The following SH2D3A variants were observed in gnomAD, a reference collection of about 807,000 sequenced individuals.
The protein encoded by SH2D3A is SH2 domain containing 3A.
Under a neutral mutation model 50.6 loss-of-function variants are expected in SH2D3A, and 46 were observed. The ratio of observed to expected loss-of-function variants is 0.91; its 90% CI spans 0.72 to 1.16. SH2D3A has a LOEUF of 1.16. SH2D3A is among the 50% of genes most tolerant of loss of function. The pLI is 0.00. For synonymous variants in SH2D3A, 377 were observed against 348.4 expected, an observed-to-expected ratio of 1.08 and a Z score of -0.91; for missense variants, 783 against 786.2, an observed-to-expected ratio of 1.00 and a Z score of 0.05.
intron 1 of SH2D3A, 57 bp from the exon 2 acceptor site, chr19:6,763,873 T>G (rs1194110652): frequency 2.2e-6 from 1 of 445,188 alleles, no homozygotes; most frequent in Non-Finnish European, 4.0e-6. Context: ...CCTTTCATCC[T>G]CTTCTTAATT....
intron 6 of SH2D3A, 35 bp downstream of exon 6, chr19:6,754,581 C>A: frequency 6.2e-7 from 1 of 1,610,706 alleles, no homozygotes; most frequent in Non-Finnish European, 8.5e-7. Context: ...GGGGAATTGG[C>A]CTCCCCCAAC....
intron 2 of SH2D3A, 38 bp from the exon 3 acceptor site, chr19:6,761,025 G>C (rs781176336): frequency 6.6e-7 from 1 of 1,525,674 alleles, no homozygotes; most frequent in Non-Finnish European, 8.9e-7. Context: ...AATTAGGAAT[G>C]AGTCCAGGGC....
rs1237132950 is a variant in SH2D3A, at chr19:6,754,130, G to T, written c.1306C>A (p.Arg436=). Residue 436 remains arginine, a synonymous_variant, in exon 8 of 10, where the codon CGA becomes AGA. Coordinates refer to ENST00000245908, the MANE Select transcript of SH2D3A (RefSeq NM_005490.3). The part of the protein sequence containing the change: ...SRLEHTWRQL[R]RSHTEAALAF... ...AGCGCAGCCTCCGTGTGGCTCCTTC[G>T]GAGCTGGCGCCACGTGTGCTCCAAC... 3 of 1,613,378 alleles carry T rather than the reference G, an allele frequency of 1.9e-6. No individual in the cohort carries two copies. Among genetic ancestry groups the T allele is most frequent in the Non-Finnish European group, 2.5e-6 (3 of 1,179,752 alleles).
At chr19:6,753,926 G>T in intron 8 of SH2D3A, 126 bp downstream of exon 8, 2 of 1,209,262 alleles carry the variant, frequency 1.7e-6, no homozygotes, top group Non-Finnish European at 2.2e-6. Context: ...CTCATGTGGA[G>T]GGCGGGGCCT....
At chr19:6,756,336 A>G (rs1258811876) in intron 4 of SH2D3A, among the ~76,000 whole-genome samples, 1 of 151,302 alleles carries the variant, frequency 6.6e-6, no homozygotes, top group South Asian at 2.1e-4. Flanking sequence ...ATTAATATAG[A>G]TATCTATAGA....
rs376341244 is a variant in SH2D3A, at chr19:6,753,398, C to A, written c.1570+58G>T. ...TGGGACAGGCTGGGTTTGGGGGATC[C>A]GGTTAGAACCTGCAGGGTGCTCTGA... is the stretch of plus-strand genomic sequence containing the variant. On this transcript the variant is annotated intron_variant, in intron 9 of 9. Coordinates refer to ENST00000245908, the MANE Select transcript of SH2D3A (RefSeq NM_005490.3). 873 of 1,410,614 alleles carry A rather than the reference C, an allele frequency of 6.2e-4. 17 individuals are homozygous for A. The South Asian group carries it at 0.013, about 20-fold the overall frequency. 87.4% of individuals were successfully genotyped at this position (1,410,614 alleles called of 1,614,324 possible). A position where few individuals can be genotyped will look rare whatever the true frequency, so the allele number is the denominator to read the frequency against.
chr19:6,761,145 C>T (rs1037058578), intron 2 of SH2D3A, 158 bp from the exon 3 acceptor site: 23 of 622,182 alleles, frequency 3.7e-5, no homozygotes, highest in African/African-American at 3.7e-4. Context: ...CAAGTTCTGT[C>T]CCCCTTTCTC....
Position 6,753,657 on chromosome 19 carries a change from G to C in SH2D3A, c.1385-16C>G. ...TCGCAGGGTCCTGCGGAGGGGGAGG[G>C]TCTGATCAGGGTTTGGGGCTGTAGA... is the stretch of plus-strand genomic sequence containing the variant. On this transcript the variant is annotated splice_polypyrimidine_tract_variant and intron_variant, in intron 8 of 9. Coordinates refer to ENST00000245908, the MANE Select transcript of SH2D3A (RefSeq NM_005490.3). 6.5e-7 allele frequency: 1 copy of C among 1,545,240 alleles called. No homozygotes were observed. The highest frequency in any genetic ancestry group is 8.7e-7 in the Non-Finnish European group (1 of 1,147,240).
At chr19:6,765,747 C>CAAAAAAAAA (rs397945080) in intron 1 of SH2D3A, among the ~76,000 whole-genome samples, 1 of 63,238 alleles carries the variant, frequency 1.6e-5, no homozygotes, top group African/African-American at 5.3e-5. Context: ...GACTCCGTCT[C>CAAAAAAAAA]AAAAAAAAAA....
chr19:6,753,770 G>T (rs1194536583), intron 8 of SH2D3A, 129 bp from the exon 9 acceptor site: 13 of 1,050,302 alleles, frequency 1.2e-5, no homozygotes, highest in Non-Finnish European at 1.6e-5. Context: ...AGAGGGGCCA[G>T]GACCACACGC....
chr19:6,752,560 G>C lies in SH2D3A; in HGVS notation c.*33C>G. 1 of 1,489,238 alleles carries C rather than the reference G, an allele frequency of 6.7e-7. No individual in the cohort carries two copies. Among genetic ancestry groups the C allele is most frequent in the Non-Finnish European group, 9.0e-7 (1 of 1,115,530 alleles). 92.3% of individuals were successfully genotyped at this position (1,489,238 alleles called of 1,614,324 possible). On this transcript the variant is annotated 3_prime_UTR_variant, in exon 10 of 10. Coordinates refer to ENST00000245908, the MANE Select transcript of SH2D3A (RefSeq NM_005490.3). The stretch of plus-strand genomic sequence containing the variant: ...TCTTCTGGGGTTCGCAAAAACCTGG[G>C]GGTCCCGGGTGTGAAGAAGGGTGTC...
In SH2D3A at chr19:6,753,955, C is replaced by A. The variant is rs1321526003; in HGVS notation, c.1384+97G>T. On this transcript the variant is annotated intron_variant, in intron 8 of 9. Transcript: ENST00000245908. ...GGGGCCTATGGTGAAGGGACCGGGC[C>A]TAGAACAGATGCAGGGACTGGGCAT... 6 of 1,403,076 alleles carry A rather than the reference C, an allele frequency of 4.3e-6. No individual in the cohort carries two copies. The Admixed American group carries it at 1.6e-4, about 38-fold the overall frequency. 86.9% of individuals were successfully genotyped at this position (1,403,076 alleles called of 1,614,324 possible).
intron 2 of SH2D3A, among the ~76,000 whole-genome samples, chr19:6,763,442 T>A (rs73920209): frequency 3.3e-5 from 5 of 152,074 alleles, no homozygotes; most frequent in African/African-American, 1.2e-4. Flanking sequence ...CAAGAGTAGT[T>A]TGGGGGCATT....
At chr19:6,763,580 A>T (rs2144642000) in intron 2 of SH2D3A, 100 bp downstream of exon 2, 1 of 1,072,680 alleles carries the variant, frequency 9.3e-7, no homozygotes, top group East Asian at 2.6e-5. Flanking sequence ...GTCCCAATAG[A>T]CCTTGGCACT....
chr19:6,764,284 A>G (rs1970190376), intron 1 of SH2D3A: 1 of 151,206 alleles, frequency 6.6e-6, no homozygotes. Context: ...GTGCAGTGCT[A>G]TTCACAGGTG....
At chr19:6,754,573 G>T (rs576700550) in intron 6 of SH2D3A, 43 bp downstream of exon 6, 1 of 1,611,356 alleles carries the variant, frequency 6.2e-7, no homozygotes, top group African/African-American at 1.3e-5. Context: ...GGAAGTGGGG[G>T]GAATTGGCCT....
chr19:6,761,654 T>C (rs549513620), intron 2 of SH2D3A, among the ~76,000 whole-genome samples: 2 of 152,164 alleles, frequency 1.3e-5, no homozygotes, highest in East Asian at 3.9e-4. Flanking sequence ...GGTGTCAAAA[T>C]AGGGTAGGAA....
intron 1 of SH2D3A, among the ~76,000 whole-genome samples, chr19:6,766,709 G>C: frequency 6.6e-6 from 1 of 152,198 alleles, no homozygotes; most frequent in East Asian, 1.9e-4. Flanking sequence ...GCTTGCAGTC[G>C]GCTGCGCAAG....
rs951544483 is a variant in SH2D3A, at chr19:6,752,831, T to C, written c.1571-78A>G. 65 of 1,441,252 alleles carry C rather than the reference T, an allele frequency of 4.5e-5. 3 individuals are homozygous for C. The South Asian group carries it at 9.0e-4, about 20-fold the overall frequency. The allele number at this position is 1,441,252 out of a possible 1,614,324, so 89.3% of individuals were successfully genotyped here. ...CCTCCCAACCTCCCGGCACCTTCCT[T>C]TCCCCAGAGGACTTTGACCCAACAG... On this transcript the variant is annotated intron_variant, in intron 9 of 9. Transcript: ENST00000245908.
Sources: gnomAD v4.1 joint callset for allele counts (sites outside exome capture counted in the v4.1 genomes callset) on GRCh38, gnomAD v4.1.1 for gene constraint, MANE v1.5 for transcripts, NCBI Gene and HGNC (gene_info 2026-07-23, HGNC 2026-07-21) for gene names.